COL17A1: variants seen among roughly 807,000 people sequenced by gnomAD.
The protein encoded by COL17A1 is collagen alpha-1(XVII) chain.
Under a neutral mutation model 218.4 loss-of-function variants are expected in COL17A1, and 181 were observed. The ratio of observed to expected loss-of-function variants is 0.83; its 90% CI spans 0.73 to 0.94. The LOEUF is 0.94. Ranked by LOEUF, COL17A1 falls within the 40% of genes least tolerant of loss-of-function variation. The pLI is 0.00. For synonymous variants in COL17A1, 721 were observed against 731.0 expected, an observed-to-expected ratio of 0.99 and a Z score of 0.22; for missense variants, 1,924 against 1,945.9, an observed-to-expected ratio of 0.99 and a Z score of 0.21.
intron 2 of COL17A1, 137 bp downstream of exon 2, chr10:104,080,485 T>C: frequency 1.0e-6 from 1 of 996,298 alleles, no homozygotes; most frequent in Non-Finnish European, 1.5e-6. Context: ...ATGAGAAGGA[T>C]TAAAGTCCAT....
chr10:104,053,175 T>C, intron 22 of COL17A1, 40 bp from the exon 23 acceptor site: 2 of 1,604,636 alleles, frequency 1.2e-6, no homozygotes, highest in Non-Finnish European at 1.7e-6. Context: ...CAGGATCCCG[T>C]ACCCCAGCTA....
At chr10:104,067,150 T>C (rs905993096) in intron 9 of COL17A1, among the ~76,000 whole-genome samples, 4 of 152,124 alleles carry the variant, frequency 2.6e-5, no homozygotes, top group African/African-American at 9.7e-5. Context: ...CAGAAATTCC[T>C]AAATGCAAAT....
Position 104,035,437 on chromosome 10 carries a change from C to G in COL17A1, c.3508+37G>C, listed in dbSNP as rs1206245572. On this transcript the variant is annotated intron_variant, in intron 49 of 55. Transcript: ENST00000648076. ...TGGGCCAAGGGACTCTGCTTCCTCC[C>G]CAACCAGTTGGACAGATGTCCCCTG... The G allele has an allele frequency of 6.8e-6, 11 of 1,613,688 alleles. No individual in the cohort carries two copies. In the South Asian group the frequency reaches 1.1e-4, roughly 16 times the overall value.
At chr10:104,033,450 C>G in intron 52 of COL17A1, 75 bp from the exon 53 acceptor site, 1 of 1,547,232 alleles carries the variant, frequency 6.5e-7, no homozygotes, top group Non-Finnish European at 8.8e-7. Context: ...ACAGTGCCCT[C>G]CGAGTGTCAA....
At chr10:104,060,462 C>T (rs1368883371) in intron 13 of COL17A1, among the ~76,000 whole-genome samples, 182 bp from the exon 14 acceptor site, 1 of 152,150 alleles carries the variant, frequency 6.6e-6, no homozygotes, top group Non-Finnish European at 1.5e-5. Context: ...GGACCAAGGA[C>T]ACCCTCTATG....
chr10:104,055,043 G>A, intron 19 of COL17A1, 36 bp from the exon 20 acceptor site: 2 of 1,613,486 alleles, frequency 1.2e-6, no homozygotes, highest in Non-Finnish European at 8.5e-7. Flanking sequence ...GTGAGATGGG[G>A]CAAGAACCCA....
Position 104,063,790 on chromosome 10 carries a change from G to A in COL17A1, c.795C>T (p.Ser265=), listed in dbSNP as rs760771947. ...SVFGVPNNMA[S]CSPTLHPGLS... is the part of the protein sequence containing the mutation. ...GTCCAGGGTGCAAAGTGGGTGAGCA[G>A]GACGCCATGTTGTTTGGAACTCCGA... The change falls in exon 11 of 56, where the codon TCC becomes TCT. Residue 265 remains serine (S), a synonymous_variant. Coordinates refer to ENST00000648076, the MANE Select transcript of COL17A1 (RefSeq NM_000494.4). 15 of 1,614,078 alleles carry A rather than the reference G, an allele frequency of 9.3e-6. No homozygotes were observed. The highest frequency in any genetic ancestry group is 1.6e-4 in the Middle Eastern group (1 of 6,082).
chr10:104,076,772 T>C (rs1346896448), intron 4 of COL17A1, among the ~76,000 whole-genome samples: 1 of 152,234 alleles, frequency 6.6e-6, no homozygotes, highest in Admixed American at 6.5e-5. Context: ...CTGGCTGTTC[T>C]AATGTCTTGG....
rs2086322933 is a variant in COL17A1 at position 104,038,310 on chromosome 10, C to G, written c.3070+96G>C. On this transcript the variant is annotated intron_variant, in intron 45 of 55. Coordinates refer to ENST00000648076, the MANE Select transcript of COL17A1 (RefSeq NM_000494.4). ...CACTGCCCTACATCGTCCCATGTCT[C>G]TTAGCCTCATTTCTGTGATGATACC... is the stretch of plus-strand genomic sequence containing the variant. 2.6e-6 allele frequency: 4 copies of G among 1,555,186 alleles called. No homozygotes were observed. The South Asian group carries it at 4.5e-5, about 17-fold the overall frequency.
chr10:104,054,039 G>C (rs1426830033), intron 21 of COL17A1, 53 bp downstream of exon 21: 1 of 1,613,290 alleles, frequency 6.2e-7, no homozygotes, highest in East Asian at 2.2e-5. Context: ...CCATCAGCTA[G>C]GATTGAGCAG....
At chr10:104,055,225 A>G in intron 19 of COL17A1, 147 bp downstream of exon 19, 1 of 1,486,954 alleles carries the variant, frequency 6.7e-7, no homozygotes, top group Non-Finnish European at 9.3e-7. Context: ...CTCTAAAACC[A>G]ACAGATACCT....
chr10:104,059,602 G>A (rs778527012), intron 15 of COL17A1, 36 bp downstream of exon 15: 11 of 1,585,672 alleles, frequency 6.9e-6, no homozygotes, highest in Non-Finnish European at 9.5e-6. Context: ...TGGCCTGGCT[G>A]AAGTCAAGGT....
chr10:104,077,750 T>C (rs531679977), intron 3 of COL17A1, among the ~76,000 whole-genome samples: 1 of 152,222 alleles, frequency 6.6e-6, no homozygotes, highest in East Asian at 1.9e-4. Flanking sequence ...TACAAATATC[T>C]AGAGTGAGTA....
chr10:104,045,264 A>G (rs1589561998), intron 33 of COL17A1, among the ~76,000 whole-genome samples: 1 of 151,706 alleles, frequency 6.6e-6, no homozygotes, highest in Admixed American at 6.6e-5. Context: ...GCATCTTAAC[A>G]CTCCTCTCTG....
At chr10:104,074,926 A>C (rs1430266785) in intron 5 of COL17A1, among the ~76,000 whole-genome samples, 1 of 152,192 alleles carries the variant, frequency 6.6e-6, no homozygotes, top group African/African-American at 2.4e-5. Flanking sequence ...CTGCTTCTGC[A>C]GATCACCAGG....
intron 12 of COL17A1, 107 bp from the exon 13 acceptor site, chr10:104,061,580 G>T: frequency 1.1e-6 from 1 of 874,174 alleles, no homozygotes; most frequent in Non-Finnish European, 1.9e-6. Flanking sequence ...CCAGTGAGAA[G>T]CAGATGATGA....
intron 5 of COL17A1, among the ~76,000 whole-genome samples, chr10:104,074,621 G>T (rs1044522275): frequency 3.9e-5 from 6 of 152,200 alleles, no homozygotes; most frequent in Non-Finnish European, 7.3e-5. Context: ...ACCTTATGAG[G>T]CTTGTCCCAA....
rs774708773 is a variant in COL17A1 at position 104,077,510 on chromosome 10, A to T, written c.114T>A (p.Asn38Lys). 6.2e-7 allele frequency: 1 copy of T among 1,612,474 alleles called. No individual in the cohort carries two copies. Among genetic ancestry groups the T allele is most frequent in the Non-Finnish European group, 8.5e-7 (1 of 1,179,534 alleles). ...CAAGAGAGGCTGTTTTAGCATAGCC[A>T]TTGCTGGTCCCGCCTTCTGCCAGGA... The part of the protein sequence containing the change: ...TSLPPKGGTS[N>K]GYAKTASLGG... Residue 38 changes from asparagine to lysine, a missense_variant, in exon 4 of 56, where the codon AAT (asparagine) becomes AAA (lysine). Coordinates refer to ENST00000648076, the MANE Select transcript of COL17A1 (RefSeq NM_000494.4).
chr10:104,059,848 C>A, intron 14 of COL17A1, 130 bp from the exon 15 acceptor site: 3 of 1,083,154 alleles, frequency 2.8e-6, no homozygotes, highest in Non-Finnish European at 4.1e-6. Context: ...AAGAGCCCCT[C>A]TTTCCTGGGG....
Sources: allele counts gnomAD v4.1 joint callset (sites outside exome capture counted in the v4.1 genomes callset), GRCh38; gene constraint gnomAD v4.1.1; transcripts MANE v1.5; gene names NCBI Gene and HGNC (gene_info 2026-07-23, HGNC 2026-07-21).